EXOC4: variants seen among roughly 807,000 people sequenced by gnomAD.
The protein encoded by EXOC4 is SEC8-like 1.
Under a neutral mutation model 107.2 loss-of-function variants are expected in EXOC4, and 71 were observed. The observed-to-expected ratio is 0.66, with a 90% CI of 0.55 to 0.81. The LOEUF is 0.81. Ranked by LOEUF, EXOC4 falls within the 30% of genes least tolerant of loss-of-function variation. EXOC4 has a pLI of 0.00. For synonymous variants in EXOC4, 456 were observed against 441.2 expected, an observed-to-expected ratio of 1.03 and a Z score of -0.42; for missense variants, 1,108 against 1,189.6, an observed-to-expected ratio of 0.93 and a Z score of 1.01.
At chr7:133,995,517 G>A (rs1442791445) in intron 14 of EXOC4, among the ~76,000 whole-genome samples, 1 of 152,188 alleles carries the variant, frequency 6.6e-6, no homozygotes, top group Non-Finnish European at 1.5e-5. Context: ...TATTGCAAAA[G>A]CAGTGATCTT....
At chr7:134,055,974 A>T (rs889077804) in intron 17 of EXOC4, among the ~76,000 whole-genome samples, 6 of 152,218 alleles carry the variant, frequency 3.9e-5, no homozygotes, top group Non-Finnish European at 8.8e-5. Context: ...TGCATTATTT[A>T]TTGAAAAATT....
intron 7 of EXOC4, among the ~76,000 whole-genome samples, chr7:133,395,109 C>CTTTTTTTTTTTT: frequency 1.5e-5 from 2 of 130,886 alleles, no homozygotes; most frequent in Non-Finnish European, 1.6e-5. Context: ...ATACTTTTGC[C>CTTTTTTTTTTTT]TTTTTTTTTT....
At chr7:133,528,864 C>T (rs1800128570) in intron 9 of EXOC4, among the ~76,000 whole-genome samples, 1 of 152,116 alleles carries the variant, frequency 6.6e-6, no homozygotes, top group Non-Finnish European at 1.5e-5. Flanking sequence ...TTCATTTATA[C>T]ATCCCAACAT....
rs888967885 is a variant in EXOC4, at chr7:134,008,006, A to G, written c.2687+171A>G. ...AGAGAAAATAATTCCACAGAATTCT[A>G]TTGAATTTTGTTACTTTGGCAGATA... On this transcript the variant is annotated intron_variant, in intron 17 of 17. Transcript: ENST00000253861. 6.7e-5 allele frequency: 41 copies of G among 609,936 alleles called. No homozygotes were observed. In the South Asian group the frequency reaches 8.9e-4, roughly 13 times the overall value. 37.8% of individuals were successfully genotyped at this position (609,936 alleles called of 1,614,324 possible). A position where few individuals can be genotyped will look rare whatever the true frequency, so the allele number is the denominator to read the frequency against.
chr7:134,071,284 T>C (rs993960688), downstream of EXOC4, among the ~76,000 whole-genome samples: 8 of 152,184 alleles, frequency 5.3e-5, no homozygotes, highest in African/African-American at 1.9e-4. Flanking sequence ...TCTGGAACCG[T>C]AGCCAAATCC....
chr7:133,361,833 A>G (rs554370416), intron 6 of EXOC4, among the ~76,000 whole-genome samples: 1 of 152,366 alleles, frequency 6.6e-6, no homozygotes, highest in African/African-American at 2.4e-5. Context: ...GTGAAGATAT[A>G]GATACAATAA....
At chr7:133,447,870 G>A (rs1798254617) in intron 7 of EXOC4, among the ~76,000 whole-genome samples, 1 of 152,168 alleles carries the variant, frequency 6.6e-6, no homozygotes. Flanking sequence ...TTCAGTTTGA[G>A]TTTCAAAGAT....
At chr7:133,799,220 T>G (rs1323331911) in intron 10 of EXOC4, among the ~76,000 whole-genome samples, 1 of 152,150 alleles carries the variant, frequency 6.6e-6, no homozygotes, top group Non-Finnish European at 1.5e-5. Flanking sequence ...AAAAGAGGTA[T>G]CCCCCCTGTG....
At chr7:133,829,187 A>T (rs563424382) in intron 11 of EXOC4, among the ~76,000 whole-genome samples, 1 of 152,202 alleles carries the variant, frequency 6.6e-6, no homozygotes, top group African/African-American at 2.4e-5. Context: ...AGTCTAAATG[A>T]GTGAAGGAAT....
At chr7:133,978,483 C>A (rs184094497) in intron 14 of EXOC4, among the ~76,000 whole-genome samples, 158 of 152,316 alleles carry the variant, frequency 1.0e-3, no homozygotes, top group Non-Finnish European at 7.1e-4. Flanking sequence ...AAAAATGTCT[C>A]AGGAGTAGAA....
intron 7 of EXOC4, among the ~76,000 whole-genome samples, chr7:133,377,959 A>T (rs1455689989): frequency 1.3e-5 from 2 of 151,886 alleles, no homozygotes; most frequent in Admixed American, 1.3e-4. Context: ...GACATTTTCA[A>T]ATGAACTAAA....
At chr7:133,468,432 C>A (rs1189038979) in intron 7 of EXOC4, among the ~76,000 whole-genome samples, 2 of 152,014 alleles carry the variant, frequency 1.3e-5, no homozygotes. Flanking sequence ...CTGTTATTAA[C>A]ATTCTATTCA....
In EXOC4 at chr7:133,997,709, A is replaced by G. The variant is rs867677641; in HGVS notation, c.2348+76A>G. The G allele has an allele frequency of 3.3e-5, 50 of 1,493,930 alleles. No homozygotes were observed. In the Middle Eastern group the frequency reaches 2.6e-3, roughly 79 times the overall value. 92.5% of individuals were successfully genotyped at this position (1,493,930 alleles called of 1,614,324 possible). ...ATAAATCACTTGCTTATTTCCAGGCAGTATCACCATAATTTCTGGCTCATA... is the reference window on the plus strand; with the variant it reads ...ATAAATCACTTGCTTATTTCCAGGCGGTATCACCATAATTTCTGGCTCATA... On this transcript the variant is annotated intron_variant, in intron 15 of 17. Coordinates refer to ENST00000253861, the MANE Select transcript of EXOC4 (RefSeq NM_021807.4).
intron 10 of EXOC4, among the ~76,000 whole-genome samples, chr7:133,774,959 G>A (rs1330652886): frequency 6.6e-6 from 1 of 151,300 alleles, no homozygotes; most frequent in Non-Finnish European, 1.5e-5. Context: ...CTAACCTGAC[G>A]AAAGTCTATT....
chr7:133,424,297 C>T (rs963081994), intron 7 of EXOC4, among the ~76,000 whole-genome samples: 1 of 152,230 alleles, frequency 6.6e-6, no homozygotes, highest in East Asian at 1.9e-4. Flanking sequence ...AAGTTGTGCA[C>T]CTTCACTCCT....
At chr7:133,885,651 A>C (rs1799069835) in intron 11 of EXOC4, among the ~76,000 whole-genome samples, 1 of 152,148 alleles carries the variant, frequency 6.6e-6, no homozygotes, top group South Asian at 2.1e-4. Context: ...AGGGACATTT[A>C]AATCAGAGCA....
chr7:134,027,600 G>C (rs1469504675), intron 17 of EXOC4, among the ~76,000 whole-genome samples: 1 of 148,328 alleles, frequency 6.7e-6, no homozygotes, highest in Non-Finnish European at 1.5e-5. Flanking sequence ...GGAGGTCGCA[G>C]TGAGCCGAGA....
chr7:133,280,319 G>A (rs1366299323), intron 2 of EXOC4, among the ~76,000 whole-genome samples: 1 of 152,138 alleles, frequency 6.6e-6, no homozygotes, highest in Non-Finnish European at 1.5e-5. Context: ...AGTTCCATAG[G>A]TTCTGCCAGT....
chr7:133,664,854 GA>G (rs1409005445), intron 10 of EXOC4, among the ~76,000 whole-genome samples: 1 of 150,766 alleles, frequency 6.6e-6, no homozygotes, highest in African/African-American at 2.4e-5. Context: ...AATGAAGAAG[GA>G]AAAAAAAAGT....
Sources: gnomAD v4.1 joint callset for allele counts (sites outside exome capture counted in the v4.1 genomes callset) on GRCh38, gnomAD v4.1.1 for gene constraint, MANE v1.5 for transcripts, NCBI Gene and HGNC (gene_info 2026-07-23, HGNC 2026-07-21) for gene names.